The following ABCA4 variants were observed in gnomAD, a reference collection of about 807,000 sequenced individuals.
The protein encoded by ABCA4 is retinal-specific phospholipid-transporting ATPase ABCA4.
A neutral mutation model predicts 263.7 loss-of-function variants in ABCA4; 196 were observed. The ratio of observed to expected loss-of-function variants is 0.74; its 90% CI spans 0.66 to 0.84. The LOEUF is 0.84. Among genes scored for constraint, ABCA4 ranks in the 40% least tolerant of loss-of-function variants. ABCA4 has a pLI of 0.00. For synonymous variants in ABCA4, 1,133 were observed against 1,094.2 expected (o/e 1.04, Z -0.70); for missense variants, 2,792 against 2,855.1 (o/e 0.98, Z 0.50).
In ABCA4 at chr1:94,077,794, T is replaced by G; in HGVS notation, c.1450A>C (p.Lys484Gln). The G allele has an allele frequency of 6.2e-7, 1 of 1,614,094 alleles. No homozygotes were observed. The highest frequency in any genetic ancestry group is 1.1e-5 in the South Asian group (1 of 91,076). The change falls in exon 11 of 50, where the codon AAG (lysine) becomes CAG (glutamine). Residue 484 changes from lysine to glutamine, a missense_variant. Lys to Gln is a moderately conservative substitution (Grantham distance 53, BLOSUM62 1). Coordinates refer to ENST00000370225, the MANE Select transcript of ABCA4 (RefSeq NM_000350.3). ...TCAGCCTGGCTTTCCCGAGGGCCCT[T>G]GTAGAGGAAGTTTAGGATGGCTTCA... ...TAEAILNFLYKGPRESQADDM... is the reference protein window; with the variant it reads ...TAEAILNFLYQGPRESQADDM...
At chr1:94,108,484 T>A in intron 4 of ABCA4, 93 bp downstream of exon 4, 1 of 1,583,392 alleles carries the variant, frequency 6.3e-7, no homozygotes, top group African/African-American at 1.3e-5. Flanking sequence ...TCCGCTAGTA[T>A]ATTTTTCACC....
chr1:94,097,390 A>T (rs1211637795), intron 6 of ABCA4, among the ~76,000 whole-genome samples: 1 of 152,194 alleles, frequency 6.6e-6, no homozygotes. Flanking sequence ...TTTTTAAGAC[A>T]AGCTGAAAGT....
intron 6 of ABCA4, among the ~76,000 whole-genome samples, 196 bp from the exon 7 acceptor site, chr1:94,083,637 A>G (rs767269046): frequency 1.8e-4 from 28 of 152,200 alleles, no homozygotes; most frequent in Non-Finnish European, 3.8e-4. Flanking sequence ...CTCTCATTCC[A>G]AGACTCCTTG....
At position 94,037,137 on chromosome 1, in the gene ABCA4, T is replaced by G. The variant is rs745960899; in HGVS notation, c.3813+8A>C. The G allele has an allele frequency of 6.2e-7, 1 of 1,613,730 alleles. No homozygotes were observed. Among genetic ancestry groups the G allele is most frequent in the Non-Finnish European group, 8.5e-7 (1 of 1,179,732 alleles). On this transcript the variant is annotated splice_region_variant and intron_variant, in intron 25 of 49. Coordinates refer to ENST00000370225, the MANE Select transcript of ABCA4 (RefSeq NM_000350.3). ...CTTGACAGAAACCAGCTGGAATCTC[T>G]ACTTTACCTCTTCCAGGGGAGTGTC...
At chr1:94,115,573 A>C (rs1392127785) in intron 1 of ABCA4, among the ~76,000 whole-genome samples, 1 of 152,146 alleles carries the variant, frequency 6.6e-6, no homozygotes, top group African/African-American at 2.4e-5. Context: ...TGGGCAGCCC[A>C]CTCAACTCTT....
chr1:94,106,868 G>A (rs1344209148), intron 4 of ABCA4, among the ~76,000 whole-genome samples: 1 of 152,004 alleles, frequency 6.6e-6, no homozygotes, highest in Non-Finnish European at 1.5e-5. Flanking sequence ...TCCCTCCACT[G>A]GGCCCCACAC....
At chr1:94,002,399 T>C (rs1659216130) in intron 44 of ABCA4, among the ~76,000 whole-genome samples, 1 of 152,238 alleles carries the variant, frequency 6.6e-6, no homozygotes, top group Non-Finnish European at 1.5e-5. Flanking sequence ...GCCTTGTGCA[T>C]CCGACACATA....
Position 94,040,029 on chromosome 1 carries a change from C to G in ABCA4, c.3607+14G>C, listed in dbSNP as rs750329533. ...TGCCAGACGGAACCCAAGTATGGCC[C>G]GTCCAGTCCTTACCATCCAGGACTT... On this transcript the variant is annotated intron_variant, in intron 24 of 49. Coordinates refer to ENST00000370225, the MANE Select transcript of ABCA4 (RefSeq NM_000350.3). 27 of 1,588,054 alleles carry G rather than the reference C, an allele frequency of 1.7e-5. No individual in the cohort carries two copies. The highest frequency in any genetic ancestry group is 1.6e-4 in the Admixed American group (9 of 57,488).
At chr1:94,036,689 A>G (rs760887597) in intron 26 of ABCA4, 51 bp downstream of exon 26, 1 of 1,590,372 alleles carries the variant, frequency 6.3e-7, no homozygotes, top group Non-Finnish European at 8.6e-7. Context: ...TCGAGATGGA[A>G]CTTGGGAGGG....
chr1:94,072,157 A>G (rs1250304675), intron 11 of ABCA4, among the ~76,000 whole-genome samples: 1 of 152,190 alleles, frequency 6.6e-6, no homozygotes, highest in South Asian at 2.1e-4. Context: ...AATAGTCCAA[A>G]TCTCTGGCCT....
rs768390622 is a variant in ABCA4 at position 94,005,427 on chromosome 1, A to G, written c.6147+14T>C. The G allele has an allele frequency of 1.2e-6, 2 of 1,614,158 alleles. No individual in the cohort carries two copies. Among genetic ancestry groups the G allele is most frequent in the East Asian group, 4.5e-5 (2 of 44,890 alleles). ...AACCAGACTCCTATGTGGCCACAAC[A>G]AAACATTTTTCACCTTTTCGATTTC... On this transcript the variant is annotated intron_variant, in intron 44 of 49. Coordinates refer to ENST00000370225, the MANE Select transcript of ABCA4 (RefSeq NM_000350.3).
chr1:94,092,392 A>C (rs1189256956), intron 6 of ABCA4, among the ~76,000 whole-genome samples: 1 of 152,324 alleles, frequency 6.6e-6, no homozygotes. Context: ...AACTGGGAGA[A>C]TGTGGATTTG....
intron 1 of ABCA4, 94 bp downstream of exon 1, chr1:94,120,886 T>TTCCCCCCCCCCCCCCCCCCCCCCCCCCC: frequency 1.3e-5 from 2 of 155,290 alleles, no homozygotes; most frequent in Non-Finnish European, 2.5e-5. Context: ...CCCCCCACCC[T>TTCCCCCCCCCCCCCCCCCCCCCCCCCCC]GCCCCACCAC....
chr1:94,043,225 G>A, intron 21 of ABCA4, 111 bp downstream of exon 21: 1 of 1,476,162 alleles, frequency 6.8e-7, no homozygotes, highest in South Asian at 1.2e-5. Context: ...CTTCACAGAG[G>A]TGTTCCCACC....
At chr1:94,071,142 G>A (rs983561488) in intron 11 of ABCA4, among the ~76,000 whole-genome samples, 2 of 152,206 alleles carry the variant, frequency 1.3e-5, no homozygotes, top group African/African-American at 4.8e-5. Flanking sequence ...ATTGAATTAT[G>A]TTCTGCTAGT....
At position 94,111,483 on chromosome 1, in the gene ABCA4, G is replaced by A. The variant is rs1463176839; in HGVS notation, c.257C>T (p.Thr86Ile). 1 of 1,614,148 alleles carries A rather than the reference G, an allele frequency of 6.2e-7. No individual in the cohort carries two copies. The highest frequency in any genetic ancestry group is 2.2e-5 in the East Asian group (1 of 44,874). Reference protein sequence around the residue: ...NVNNPCFQSPTPGESPGIVSN... With the variant: ...NVNNPCFQSPIPGESPGIVSN... ...CACAATTCCAGGAGATTCTCCTGGGGTGGGGCTTTGAAAACAGGGATTGTT... is the reference window on the plus strand; with the variant it reads ...CACAATTCCAGGAGATTCTCCTGGGATGGGGCTTTGAAAACAGGGATTGTT... Residue 86 changes from threonine to isoleucine, a missense_variant, in exon 3 of 50, where the codon ACC becomes ATC. Thr to Ile is a moderately conservative substitution (Grantham distance 89). Coordinates refer to ENST00000370225, the MANE Select transcript of ABCA4 (RefSeq NM_000350.3).
intron 35 of ABCA4, 129 bp from the exon 36 acceptor site, chr1:94,019,888 T>G: frequency 1.3e-5 from 13 of 966,128 alleles, no homozygotes; most frequent in South Asian, 2.8e-5. Flanking sequence ...TCCTCTTCTC[T>G]ACCTTGAAGC....
At chr1:94,044,012 C>G (rs2101052257) in intron 20 of ABCA4, among the ~76,000 whole-genome samples, 2 of 151,314 alleles carry the variant, frequency 1.3e-5, no homozygotes, top group South Asian at 4.2e-4. Flanking sequence ...TCCTCCTTCC[C>G]CTTCCCTTTT....
In ABCA4 at chr1:94,041,257, G is replaced by C; in HGVS notation, c.3474C>G (p.Thr1158=). The part of the protein sequence containing the change: ...KNCFGTGLYL[T]LVRKMKNIQS... ...GGATGTTTTTCATCTTGCGCACCAA[G>C]GTTAAGTACAAGCCTGTGCCAAAGC... The change falls in exon 23 of 50, where the codon ACC becomes ACG. Residue 1158 remains threonine (T), a synonymous_variant. Coordinates refer to ENST00000370225, the MANE Select transcript of ABCA4 (RefSeq NM_000350.3). 6.2e-7 allele frequency: 1 copy of C among 1,614,200 alleles called. No individual in the cohort carries two copies. Among genetic ancestry groups the C allele is most frequent in the East Asian group, 2.2e-5 (1 of 44,874 alleles).
Sources: gnomAD v4.1 joint callset for allele counts (sites outside exome capture counted in the v4.1 genomes callset) on GRCh38, gnomAD v4.1.1 for gene constraint, MANE v1.5 for transcripts, NCBI Gene and HGNC (gene_info 2026-07-23, HGNC 2026-07-21) for gene names.